Variants in RAPGEF4 observed in about 807,000 individuals in gnomAD.
RAPGEF4 encodes the protein RAP guanine-nucleotide-exchange factor (GEF) 4.
In RAPGEF4, 66 loss-of-function variants were observed where a neutral mutation model predicts 147.9. That is an observed-to-expected ratio of 0.45 (90% confidence interval 0.37 to 0.55). The LOEUF (loss-of-function observed/expected upper bound fraction) is 0.55. Among genes scored for constraint, RAPGEF4 ranks in the 20% least tolerant of loss-of-function variants. The pLI, the probability that RAPGEF4 is intolerant of heterozygous loss-of-function variation, is 0.00. For missense variants in RAPGEF4, 1,071 were observed against 1,257.3 expected (o/e 0.85, Z 2.24); for synonymous variants, 419 against 442.7 (o/e 0.95, Z 0.67).
At chr2:172,816,214 A>G (rs917205094) in intron 4 of RAPGEF4, among the ~76,000 whole-genome samples, 4 of 152,014 alleles carry the variant, frequency 2.6e-5, no homozygotes, top group Non-Finnish European at 5.9e-5. Context: ...CCAGGCTCCA[A>G]TAACGAGCCA....
At chr2:173,008,510 T>A (rs1326644946) in intron 17 of RAPGEF4, among the ~76,000 whole-genome samples, 2 of 152,144 alleles carry the variant, frequency 1.3e-5, no homozygotes, top group East Asian at 3.8e-4. Flanking sequence ...CAAAGTTTGT[T>A]TTCAGCTGCA....
chr2:172,749,745 G>T (rs768603726), intron 1 of RAPGEF4, among the ~76,000 whole-genome samples: 9 of 152,074 alleles, frequency 5.9e-5, no homozygotes, highest in Non-Finnish European at 1.2e-4. Context: ...CTTTTCTATT[G>T]CATCATTGGG....
At chr2:172,821,953 AAAG>A in intron 4 of RAPGEF4, 1 of 1,613,748 alleles carries the variant, frequency 6.2e-7, no homozygotes, top group South Asian at 1.1e-5. Context: ...AGAGACCGAA[AAAG>A]AAGGACGTAT....
rs71403348 is a variant in RAPGEF4, at chr2:173,011,159, A to AGCGCAC, written c.1659-3301_1659-3300insACGCGC. Among the ~76,000 whole-genome samples the AGCGCAC allele has an allele frequency of 7.1e-3, 906 of 128,394 alleles. 10 individuals carry two copies. Among genetic ancestry groups the AGCGCAC allele is most frequent in the Admixed American group, 0.031 (416 of 13,324 alleles). 84.2% of individuals were successfully genotyped at this position (128,394 alleles called of 152,430 possible). On this transcript the variant is annotated intron_variant, in intron 17 of 30. Coordinates refer to ENST00000397081, the MANE Select transcript of RAPGEF4 (RefSeq NM_007023.4). ...TCAGCTGCGGGAACCTTGGAACTTC[A>AGCGCAC]GCGCGCGCGCGCACACACACACACA...
intron 3 of RAPGEF4, 84 bp from the exon 4 acceptor site, chr2:172,814,195 C>A: frequency 1.4e-6 from 2 of 1,417,524 alleles, no homozygotes; most frequent in Non-Finnish European, 2.0e-6. Context: ...TTGCCTTGTA[C>A]AAATTATACT....
intron 23 of RAPGEF4, among the ~76,000 whole-genome samples, chr2:173,020,926 C>T (rs1489356297): frequency 1.3e-5 from 2 of 152,194 alleles, no homozygotes; most frequent in Non-Finnish European, 2.9e-5. Flanking sequence ...CAAGTAGCAC[C>T]ACTATTAGGG....
intron 8 of RAPGEF4, among the ~76,000 whole-genome samples, chr2:172,961,768 T>G (rs1294571997): frequency 6.6e-6 from 1 of 152,232 alleles, no homozygotes; most frequent in Non-Finnish European, 1.5e-5. Context: ...GATCATTTCA[T>G]TCAGTCAGTC....
At chr2:172,827,452 T>C (rs17705429) in intron 4 of RAPGEF4, among the ~76,000 whole-genome samples, 2,282 of 152,286 alleles carry the variant, frequency 0.015, 19 homozygotes, top group South Asian at 0.033. Flanking sequence ...GTTGGCCTCC[T>C]GTTATAATCA....
At chr2:172,782,748 G>A (rs151092890) in intron 1 of RAPGEF4, among the ~76,000 whole-genome samples, 3 of 152,336 alleles carry the variant, frequency 2.0e-5, no homozygotes, top group Non-Finnish European at 2.9e-5. Flanking sequence ...ATTTTAAGGA[G>A]CCAAATGAAA....
At chr2:172,881,628 T>C (rs986491247) in intron 4 of RAPGEF4, among the ~76,000 whole-genome samples, 1 of 152,190 alleles carries the variant, frequency 6.6e-6, no homozygotes, top group African/African-American at 2.4e-5. Flanking sequence ...CTGTGTGAGC[T>C]CAGTTTCATC....
At chr2:172,911,014 G>A (rs945447663) in intron 4 of RAPGEF4, among the ~76,000 whole-genome samples, 4 of 152,250 alleles carry the variant, frequency 2.6e-5, no homozygotes, top group Admixed American at 1.3e-4. Flanking sequence ...TTTAGAAAAG[G>A]CAGGCTGCCT....
intron 13 of RAPGEF4, 125 bp downstream of exon 13, chr2:172,988,397 T>A: frequency 7.0e-7 from 1 of 1,424,478 alleles, no homozygotes. Context: ...AGAAAAGACA[T>A]TATTGTATCT....
intron 4 of RAPGEF4, among the ~76,000 whole-genome samples, chr2:172,889,609 T>G (rs1473020369): frequency 1.3e-5 from 2 of 151,764 alleles, no homozygotes; most frequent in African/African-American, 4.8e-5. Flanking sequence ...CAGGCTTTAA[T>G]CAAATATATA....
intron 6 of RAPGEF4, among the ~76,000 whole-genome samples, chr2:172,926,606 T>G (rs1685387577): frequency 6.6e-6 from 1 of 152,172 alleles, no homozygotes; most frequent in Admixed American, 6.5e-5. Context: ...GGAGTCTCGC[T>G]CTGTCACCAG....
intron 20 of RAPGEF4, 23 bp from the exon 21 acceptor site, chr2:173,017,403 A>T: frequency 6.2e-7 from 1 of 1,607,098 alleles, no homozygotes. Flanking sequence ...CCCTTATGGC[A>T]CTTGCTGTGG....
rs370223178 is a variant in RAPGEF4 at position 173,014,625 on chromosome 2, G to A, written c.1809+11G>A. ...ATGGCCTTCCTGGAGGTAGGCAGGG[G>A]TCATCTCTTCCAAGAATATACTGTT... On this transcript the variant is annotated intron_variant, in intron 18 of 30. Transcript: ENST00000397081. 101 of 1,610,898 alleles carry A rather than the reference G, an allele frequency of 6.3e-5. No homozygotes were observed. Among genetic ancestry groups the A allele is most frequent in the Non-Finnish European group, 7.9e-5 (93 of 1,178,108 alleles).
At chr2:172,872,330 G>A (rs1352267197) in intron 4 of RAPGEF4, among the ~76,000 whole-genome samples, 3 of 152,134 alleles carry the variant, frequency 2.0e-5, no homozygotes, top group East Asian at 1.9e-4. Flanking sequence ...AATCTTTGCA[G>A]CATTGTTATG....
At chr2:173,015,182 G>A (rs999183532) in intron 18 of RAPGEF4, among the ~76,000 whole-genome samples, 32 of 152,286 alleles carry the variant, frequency 2.1e-4, no homozygotes, top group Non-Finnish European at 2.8e-4. Context: ...TTTTTGAGTG[G>A]AGTGGAGCAG....
At chr2:172,752,125 T>C (rs1695359675) in intron 1 of RAPGEF4, among the ~76,000 whole-genome samples, 2 of 8,416 alleles carry the variant, frequency 2.4e-4, no homozygotes, top group Admixed American at 5.7e-3. Flanking sequence ...TGATCATGGA[T>C]GCTGATGATT....
Sources: gnomAD v4.1 joint callset for allele counts (sites outside exome capture counted in the v4.1 genomes callset) on GRCh38, gnomAD v4.1.1 for gene constraint, MANE v1.5 for transcripts, NCBI Gene and HGNC (gene_info 2026-07-23, HGNC 2026-07-21) for gene names.